The following EYS variants were observed in gnomAD, a reference collection of about 807,000 sequenced individuals.
EYS encodes the protein protein eyes shut homolog.
In EYS, 250 loss-of-function variants were observed where a neutral mutation model predicts 282.1. That is an observed-to-expected ratio of 0.89 (90% CI 0.80 to 0.98). The LOEUF (loss-of-function observed/expected upper bound fraction) is 0.98, where lower values mean the gene tolerates loss of function less well. EYS is among the 50% of genes least tolerant of loss of function. EYS has a pLI of 0.00. For synonymous variants in EYS, 1,355 were observed against 1,282.9 expected, an observed-to-expected ratio of 1.06 and a Z score of -1.20; for missense variants, 4,016 against 3,709.0, an observed-to-expected ratio of 1.08 and a Z score of -2.15.
chr6:64,918,671 G>A (rs1768239002), intron 15 of EYS, among the ~76,000 whole-genome samples: 1 of 152,038 alleles, frequency 6.6e-6, no homozygotes, highest in South Asian at 2.1e-4. Flanking sequence ...ATAATGGTTA[G>A]TAAGCAGATG....
chr6:64,111,100 G>GA (rs1264276859), intron 31 of EYS, among the ~76,000 whole-genome samples: 2 of 151,980 alleles, frequency 1.3e-5, no homozygotes, highest in African/African-American at 4.8e-5. Context: ...GTAGATCCAG[G>GA]AATGAGAGTG....
chr6:64,372,135 T>TTTTTTG (rs1772396855), intron 29 of EYS, among the ~76,000 whole-genome samples: 1 of 21,296 alleles, frequency 4.7e-5, no homozygotes, highest in African/African-American at 1.2e-4. Flanking sequence ...CTTGTGTTTT[T>TTTTTTG]TTTTTTTTTT....
At chr6:64,093,988 C>G (rs1018288295) in intron 31 of EYS, among the ~76,000 whole-genome samples, 9 of 152,096 alleles carry the variant, frequency 5.9e-5, no homozygotes, top group African/African-American at 2.2e-4. Context: ...TTGTCAAAGA[C>G]CTTTTCTGCA....
intron 2 of EYS, among the ~76,000 whole-genome samples, chr6:65,578,841 A>C (rs948828865): frequency 2.0e-5 from 3 of 152,130 alleles, no homozygotes; most frequent in Non-Finnish European, 4.4e-5. Flanking sequence ...TAACTAATTT[A>C]TTAATCCTTT....
At chr6:65,445,261 C>T (rs541662852) in intron 5 of EYS, among the ~76,000 whole-genome samples, 36 of 151,770 alleles carry the variant, frequency 2.4e-4, no homozygotes, top group Non-Finnish European at 4.1e-4. Context: ...GGAAAATGAT[C>T]ACTTTTATTA....
At chr6:65,208,766 A>C (rs1766099553) in intron 12 of EYS, among the ~76,000 whole-genome samples, 1 of 151,566 alleles carries the variant, frequency 6.6e-6, no homozygotes, top group African/African-American at 2.4e-5. Flanking sequence ...TAAAGATGGA[A>C]ATAATAGACA....
At chr6:65,626,781 T>C (rs1344200289) in intron 2 of EYS, among the ~76,000 whole-genome samples, 1 of 151,934 alleles carries the variant, frequency 6.6e-6, no homozygotes, top group Non-Finnish European at 1.5e-5. Flanking sequence ...TTAATAATGA[T>C]AATAATAGTA....
intron 2 of EYS, among the ~76,000 whole-genome samples, chr6:65,570,755 T>C (rs1343493795): frequency 6.6e-6 from 1 of 152,174 alleles, no homozygotes; most frequent in Non-Finnish European, 1.5e-5. Context: ...GTTTTGTTTA[T>C]TTTCATTCCT....
At chr6:65,340,678 A>G (rs1770165695) in intron 10 of EYS, among the ~76,000 whole-genome samples, 1 of 151,192 alleles carries the variant, frequency 6.6e-6, no homozygotes, top group African/African-American at 2.4e-5. Context: ...TCAAGGCTCT[A>G]CACCAAATAA....
intron 22 of EYS, among the ~76,000 whole-genome samples, chr6:64,709,129 C>G (rs553521961): frequency 6.8e-4 from 103 of 152,146 alleles, no homozygotes; most frequent in African/African-American, 2.4e-3. Flanking sequence ...AAATGATGAC[C>G]AAATGGGTAC....
At chr6:64,873,694 C>T (rs942128) in intron 19 of EYS, among the ~76,000 whole-genome samples, 83,694 of 151,460 alleles carry the variant, frequency 0.55, 23,879 homozygotes, top group Non-Finnish European at 0.62. Flanking sequence ...TTAACATTCT[C>T]ATTACAAAAA....
intron 19 of EYS, among the ~76,000 whole-genome samples, chr6:64,870,735 T>C (rs1380462397): frequency 6.6e-6 from 1 of 151,702 alleles, no homozygotes; most frequent in Non-Finnish European, 1.5e-5. Context: ...AGTAAAGAGA[T>C]AGCCTAAATA....
At chr6:63,747,363 C>A (rs1769235236) in intron 41 of EYS, among the ~76,000 whole-genome samples, 1 of 152,074 alleles carries the variant, frequency 6.6e-6, no homozygotes, top group Non-Finnish European at 1.5e-5. Flanking sequence ...GTTTTACTTC[C>A]AATTATGCGG....
At position 65,271,322 on chromosome 6, in the gene EYS, A is replaced by G. The variant is rs537593063; in HGVS notation, c.2023+24541T>C. ...TGGGTATGAAGGCATGAGAACCAGA[A>G]GCACTCATGGCAAAAGATCGATGTC... On this transcript the variant is annotated intron_variant, in intron 12 of 42. Transcript: ENST00000503581. Among the ~76,000 whole-genome samples, 13 of 151,290 alleles carry G rather than the reference A, an allele frequency of 8.6e-5. No individual in the cohort carries two copies. The South Asian group carries it at 2.5e-3, about 29-fold the overall frequency.
At chr6:65,004,459 G>A (rs1157577262) in intron 13 of EYS, among the ~76,000 whole-genome samples, 2 of 147,712 alleles carry the variant, frequency 1.4e-5, no homozygotes, top group Non-Finnish European at 3.0e-5. Context: ...GGAACTCACT[G>A]TCATAGCAAT....
At chr6:64,031,172 G>A (rs555037375) in intron 33 of EYS, among the ~76,000 whole-genome samples, 12 of 152,298 alleles carry the variant, frequency 7.9e-5, no homozygotes, top group South Asian at 6.2e-4. Flanking sequence ...AAGTGTGGGC[G>A]GGAACCGGGG....
intron 29 of EYS, among the ~76,000 whole-genome samples, chr6:64,318,840 A>T (rs1770087411): frequency 6.6e-6 from 1 of 151,848 alleles, no homozygotes; most frequent in African/African-American, 2.4e-5. Context: ...CAGACTTACA[A>T]TGTGTAATGA....
chr6:64,756,007 T>C (rs536020746), intron 22 of EYS, among the ~76,000 whole-genome samples: 77 of 152,276 alleles, frequency 5.1e-4, no homozygotes, highest in African/African-American at 1.7e-3. Context: ...ATCACTTACA[T>C]TGAGACTTGT....
At chr6:63,740,075 A>G (rs1206224344) in intron 41 of EYS, among the ~76,000 whole-genome samples, 2 of 152,176 alleles carry the variant, frequency 1.3e-5, no homozygotes, top group Admixed American at 6.5e-5. Context: ...CAAAAATTCC[A>G]AAAAGATAAT....
Sources: allele counts gnomAD v4.1 joint callset (sites outside exome capture counted in the v4.1 genomes callset), GRCh38; gene constraint gnomAD v4.1.1; transcripts MANE v1.5; gene names NCBI Gene and HGNC (gene_info 2026-07-23, HGNC 2026-07-21).